The following ENTREP2 variants were observed in gnomAD, a reference collection of about 807,000 sequenced individuals.
The protein encoded by ENTREP2 is endosomal transmembrane epsin interactor 2, also known as protein ENTREP2.
At chr15:29,125,733 G>A in the ENTREP2 span, among the ~76,000 whole-genome samples, 2 of 152,238 alleles carry the variant, frequency 1.3e-5, no homozygotes, top group African/African-American at 4.8e-5. Flanking sequence ...ACTGTGAAAT[G>A]CAAATTCCTG....
the ENTREP2 span, among the ~76,000 whole-genome samples, chr15:29,345,159 T>C: frequency 6.6e-6 from 1 of 152,164 alleles, no homozygotes; most frequent in Admixed American, 6.5e-5. Context: ...GCTTACTAAA[T>C]GCTGGCTCCT....
chr15:29,372,189 C>T, the ENTREP2 span, among the ~76,000 whole-genome samples: 2 of 152,148 alleles, frequency 1.3e-5, no homozygotes, highest in African/African-American at 2.4e-5. Context: ...ACCTCTGCCA[C>T]CCCTGAGACA....
At chr15:29,270,215 C>T in the ENTREP2 span, among the ~76,000 whole-genome samples, 2 of 152,108 alleles carry the variant, frequency 1.3e-5, no homozygotes. Context: ...CATAAAAGAC[C>T]CAGAGGGCTC....
the ENTREP2 span, among the ~76,000 whole-genome samples, chr15:29,131,056 G>A: frequency 6.6e-6 from 1 of 152,056 alleles, no homozygotes; most frequent in African/African-American, 2.4e-5. Context: ...AAAATAAGTT[G>A]GCTTTTCAAC....
At chr15:29,576,321 A>G in the ENTREP2 span, among the ~76,000 whole-genome samples, 2 of 152,252 alleles carry the variant, frequency 1.3e-5, no homozygotes, top group Non-Finnish European at 2.9e-5. Context: ...TATCATAATC[A>G]AAAGTTAACT....
At chr15:29,473,538 C>T in the ENTREP2 span, among the ~76,000 whole-genome samples, 1 of 152,206 alleles carries the variant, frequency 6.6e-6, no homozygotes, top group East Asian at 1.9e-4. Context: ...CATTTTTAAA[C>T]ACCGCATGAG....
the ENTREP2 span, among the ~76,000 whole-genome samples, chr15:29,180,131 T>G: frequency 6.6e-6 from 1 of 152,194 alleles, no homozygotes; most frequent in East Asian, 1.9e-4. Context: ...AGGAACACAT[T>G]TGTCTCAATG....
At chr15:29,585,497 C>T in the ENTREP2 span, among the ~76,000 whole-genome samples, 137 of 152,228 alleles carry the variant, frequency 9.0e-4, no homozygotes, top group Non-Finnish European at 1.6e-3. Context: ...AAACTATGGA[C>T]GAGAGAAAGT....
the ENTREP2 span, among the ~76,000 whole-genome samples, chr15:29,138,503 A>G: frequency 6.6e-6 from 1 of 151,906 alleles, no homozygotes; most frequent in African/African-American, 2.4e-5. Flanking sequence ...TGAGGTAAGG[A>G]GAGGAAGGGT....
the ENTREP2 span, among the ~76,000 whole-genome samples, chr15:29,648,427 G>C: frequency 6.6e-6 from 1 of 152,154 alleles, no homozygotes; most frequent in Non-Finnish European, 1.5e-5. Context: ...TGCTGTTGTT[G>C]GTCTCTCATG....
At chr15:29,574,243 T>A in the ENTREP2 span, among the ~76,000 whole-genome samples, 1 of 152,324 alleles carries the variant, frequency 6.6e-6, no homozygotes, top group Admixed American at 6.5e-5. Flanking sequence ...TTATTCTCCC[T>A]GGATCAGATG....
the ENTREP2 span, among the ~76,000 whole-genome samples, chr15:29,604,296 A>C: frequency 6.6e-6 from 1 of 152,230 alleles, no homozygotes; most frequent in Non-Finnish European, 1.5e-5. Flanking sequence ...CATCCAGTGG[A>C]TCATATTCCA....
the ENTREP2 span, among the ~76,000 whole-genome samples, chr15:29,645,728 T>C: frequency 1.3e-5 from 2 of 151,890 alleles, no homozygotes; most frequent in Non-Finnish European, 2.9e-5. Flanking sequence ...CCAGCTACTT[T>C]TTTGTATTTT....
chr15:29,170,023 G>T, the ENTREP2 span, among the ~76,000 whole-genome samples: 2 of 152,076 alleles, frequency 1.3e-5, no homozygotes, highest in African/African-American at 4.8e-5. Context: ...AAATCAATAT[G>T]CAGGCCGGGT....
chr15:29,285,684 A>G, the ENTREP2 span, among the ~76,000 whole-genome samples: 1 of 152,238 alleles, frequency 6.6e-6, no homozygotes, highest in Non-Finnish European at 1.5e-5. Context: ...GAAAAGCAAA[A>G]GAGGGACTAA....
the ENTREP2 span, among the ~76,000 whole-genome samples, chr15:29,314,387 A>G: frequency 4.0e-4 from 61 of 152,330 alleles, no homozygotes; most frequent in Non-Finnish European, 7.5e-4. Flanking sequence ...AAATTGCCAC[A>G]GCCACCCCAA....
the ENTREP2 span, among the ~76,000 whole-genome samples, chr15:29,653,273 G>C: frequency 3.3e-5 from 5 of 152,298 alleles, no homozygotes; most frequent in South Asian, 8.3e-4. Flanking sequence ...ATCAGAGTAA[G>C]ACCCAATGAC....
At chr15:29,549,091 A>G in the ENTREP2 span, among the ~76,000 whole-genome samples, 4 of 152,146 alleles carry the variant, frequency 2.6e-5, no homozygotes, top group Non-Finnish European at 5.9e-5. Flanking sequence ...CTGAGCCATT[A>G]ACCATCAGCT....
the ENTREP2 span, among the ~76,000 whole-genome samples, chr15:29,363,670 T>C: frequency 6.6e-6 from 1 of 152,226 alleles, no homozygotes; most frequent in Non-Finnish European, 1.5e-5. Flanking sequence ...CATTAAATAC[T>C]GCAGTGGAGA....
Sources: allele counts gnomAD v4.1 joint callset (sites outside exome capture counted in the v4.1 genomes callset), GRCh38; gene constraint gnomAD v4.1.1; transcripts MANE v1.5; gene names NCBI Gene and HGNC (gene_info 2026-07-23, HGNC 2026-07-21).